PCDH11X: variants seen among roughly 807,000 people sequenced by gnomAD.
The protein encoded by PCDH11X is protocadherin 11 X-linked, also known as protocadherin-11 X-linked.
In PCDH11X, 18 loss-of-function variants were observed where a neutral mutation model predicts 53.3. The ratio of observed to expected loss-of-function variants is 0.34; its 90% confidence interval spans 0.23 to 0.50. The LOEUF (loss-of-function observed/expected upper bound fraction) is 0.50. Ranked by LOEUF, PCDH11X falls within the 20% of genes least tolerant of loss-of-function variation. PCDH11X has a pLI of 0.98. For synonymous variants in PCDH11X, 279 were observed against 393.3 expected, an observed-to-expected ratio of 0.71 and a Z score of 3.44; for missense variants, 570 against 1,032.4, an observed-to-expected ratio of 0.55 and a Z score of 6.14.
At chrX:92,306,649 AAAC>A (rs1470338745) in intron 8 of PCDH11X, among the ~76,000 whole-genome samples, 4 of 109,430 alleles carry the variant, frequency 3.7e-5, no homozygotes, top group African/African-American at 1.3e-4. Flanking sequence ...AAAAAAAAAA[AAAC>A]AACTCTTGAC....
intron 9 of PCDH11X, among the ~76,000 whole-genome samples, chrX:92,411,023 C>T (rs1041552095): frequency 4.6e-5 from 5 of 109,736 alleles, no homozygotes; most frequent in African/African-American, 1.7e-4. Flanking sequence ...CCTGTTATTA[C>T]TGGGGAAGTA....
At chrX:92,156,699 A>G (rs751696343) in intron 6 of PCDH11X, among the ~76,000 whole-genome samples, 1 of 112,195 alleles carries the variant, frequency 8.9e-6, no homozygotes, top group East Asian at 2.8e-4. Context: ...TTACAATTCT[A>G]GCATATTAGA....
chrX:92,135,704 G>A, intron 6 of PCDH11X, among the ~76,000 whole-genome samples: 1 of 109,602 alleles, frequency 9.1e-6, no homozygotes, highest in Non-Finnish European at 1.9e-5. Context: ...ACAGTACCCT[G>A]TAGCTCTGAC....
chrX:91,800,639 C>T (rs1935902519), intron 1 of PCDH11X, among the ~76,000 whole-genome samples: 2 of 111,524 alleles, frequency 1.8e-5, no homozygotes, highest in African/African-American at 6.5e-5. Flanking sequence ...TGTTCATGTA[C>T]CTAGTTTTGG....
chrX:91,848,619 A>G (rs1937828884), intron 5 of PCDH11X, among the ~76,000 whole-genome samples: 1 of 112,040 alleles, frequency 8.9e-6, no homozygotes. Flanking sequence ...TTCATCAACA[A>G]TACAAAATGT....
At chrX:91,871,930 C>T (rs886792016) in intron 5 of PCDH11X, among the ~76,000 whole-genome samples, 17 of 111,163 alleles carry the variant, frequency 1.5e-4, no homozygotes, top group Admixed American at 1.4e-3. Context: ...AAAGTCCATG[C>T]ATTTTTCATG....
At chrX:92,110,507 G>A (rs1569361734) in intron 6 of PCDH11X, among the ~76,000 whole-genome samples, 1 of 107,828 alleles carries the variant, frequency 9.3e-6, no homozygotes, top group Non-Finnish European at 1.9e-5. Context: ...GGGAAAGGGT[G>A]GGATATTGAG....
At chrX:92,520,664 T>C (rs2074357320) in intron 10 of PCDH11X, among the ~76,000 whole-genome samples, 1 of 109,592 alleles carries the variant, frequency 9.1e-6, no homozygotes, top group Non-Finnish European at 1.9e-5. Context: ...ATCAATTGAC[T>C]CTTCCTTTCA....
In PCDH11X at chrX:91,966,329, T is replaced by A. The variant is rs1329555940; in HGVS notation, c.3033+87056T>A. Among the ~76,000 whole-genome samples the A allele has an allele frequency of 3.6e-5, 4 of 111,054 alleles. No individual in the cohort carries two copies. The East Asian group carries it at 8.5e-4, about 24-fold the overall frequency. Reference sequence around the variant, plus strand: ...AGAATGAATTTCAAGAGAAAGAATATTTGATGCTTTTGGAGGCAAAATTAA... The same window carrying A: ...AGAATGAATTTCAAGAGAAAGAATAATTGATGCTTTTGGAGGCAAAATTAA... On this transcript the variant is annotated intron_variant, in intron 6 of 10. Coordinates refer to ENST00000682573, the MANE Select transcript of PCDH11X (RefSeq NM_032968.5).
intron 4 of PCDH11X, among the ~76,000 whole-genome samples, chrX:91,816,737 A>AT (rs1312964250): frequency 9.0e-6 from 1 of 111,445 alleles, no homozygotes; most frequent in East Asian, 2.8e-4. Context: ...TTGGAGATGG[A>AT]TTAAGAGTGA....
At chrX:92,286,268 A>T (rs2068369208) in intron 8 of PCDH11X, among the ~76,000 whole-genome samples, 1 of 108,373 alleles carries the variant, frequency 9.2e-6, no homozygotes, top group Admixed American at 9.9e-5. Flanking sequence ...GCTTCTCATC[A>T]ATGAGCCCAG....
chrX:92,614,706 G>A (rs1927782614), intron 10 of PCDH11X, among the ~76,000 whole-genome samples: 1 of 108,624 alleles, frequency 9.2e-6, no homozygotes, highest in Admixed American at 9.9e-5. Flanking sequence ...CCAGCACTTA[G>A]CAAGGATCCA....
At chrX:92,417,596 C>T (rs2148610662) in intron 9 of PCDH11X, among the ~76,000 whole-genome samples, 1 of 111,272 alleles carries the variant, frequency 9.0e-6, no homozygotes, top group South Asian at 3.7e-4. Flanking sequence ...TTTCAATGTT[C>T]AGGGAGTCCT....
rs780333985 is a variant in PCDH11X, at chrX:91,823,373, A to G, written c.-45+12078A>G. Among the ~76,000 whole-genome samples, 268 of 110,930 alleles carry G rather than the reference A, an allele frequency of 2.4e-3. 1 individual carries two copies. The highest frequency in any genetic ancestry group is 8.3e-3 in the African/African-American group (254 of 30,518). On this transcript the variant is annotated intron_variant, in intron 4 of 10. Coordinates refer to ENST00000682573, the MANE Select transcript of PCDH11X (RefSeq NM_032968.5). ...CTGGGTGCTCCTGTATTGGGTGCAT[A>G]TATATTTAGGATAGTTAGCTCTTCT...
At chrX:92,570,521 C>A (rs769365582) in intron 10 of PCDH11X, among the ~76,000 whole-genome samples, 1 of 106,952 alleles carries the variant, frequency 9.3e-6, no homozygotes, top group Non-Finnish European at 1.9e-5. Context: ...TGTAACTCTT[C>A]ACTGTATGCA....
intron 8 of PCDH11X, among the ~76,000 whole-genome samples, chrX:92,283,035 T>G (rs942672916): frequency 9.0e-6 from 1 of 110,921 alleles, no homozygotes; most frequent in Non-Finnish European, 1.9e-5. Context: ...GAAGCTGGGA[T>G]TTGAAGCCTC....
At chrX:91,940,024 A>C (rs1411580852) in intron 6 of PCDH11X, among the ~76,000 whole-genome samples, 1 of 110,925 alleles carries the variant, frequency 9.0e-6, no homozygotes, top group African/African-American at 3.3e-5. Context: ...CCAGTTTTGG[A>C]GGTGGGCCTG....
chrX:91,848,399 C>T (rs1167450845), intron 5 of PCDH11X, among the ~76,000 whole-genome samples: 2 of 110,743 alleles, frequency 1.8e-5, no homozygotes, highest in Non-Finnish European at 3.8e-5. Context: ...ATATTTAGAA[C>T]AGCTTATACT....
At chrX:92,354,443 T>G (rs2070140689) in intron 8 of PCDH11X, among the ~76,000 whole-genome samples, 2 of 108,873 alleles carry the variant, frequency 1.8e-5, no homozygotes, top group South Asian at 4.2e-4. Context: ...AATGTATTCC[T>G]ACAAAAACCA....
Sources: gnomAD v4.1 joint callset for allele counts (sites outside exome capture counted in the v4.1 genomes callset) on GRCh38, gnomAD v4.1.1 for gene constraint, MANE v1.5 for transcripts, NCBI Gene and HGNC (gene_info 2026-07-23, HGNC 2026-07-21) for gene names.